ERMAP: variants seen among roughly 807,000 people sequenced by gnomAD.
The protein encoded by ERMAP is erythroid membrane-associated protein.
A neutral mutation model predicts 49.5 loss-of-function variants in ERMAP; 34 were observed. That is an observed-to-expected ratio of 0.69 (90% CI 0.52 to 0.91). The LOEUF is 0.91. Ranked by LOEUF, ERMAP falls within the 40% of genes least tolerant of loss-of-function variation. The probability of loss-of-function intolerance (pLI) is 0.00; values close to 1 mark genes in which losing one functional copy is unlikely to be tolerated. For missense variants in ERMAP, 541 were observed against 582.6 expected (o/e 0.93, Z 0.74); for synonymous variants, 214 against 232.2 (o/e 0.92, Z 0.71).
rs563655301 is a variant in ERMAP, at chr1:42,826,501, A to G, written c.-6+763A>G. On this transcript the variant is annotated intron_variant, in intron 2 of 11. Transcript: ENST00000372517. ...GAGGGCAATTTGTCAGTGCAGATGA[A>G]AAGTCTTCCCATTTTAAAGATGGGA... Among the ~76,000 whole-genome samples the G allele has an allele frequency of 4.1e-4, 63 of 152,258 alleles. 2 individuals are homozygous for G. In the Middle Eastern group the frequency reaches 0.027, roughly 66 times the overall value.
At chr1:42,841,961 G>A (rs12078281) in intron 11 of ERMAP, 35,489 of 153,078 alleles carry the variant, frequency 0.23, 4,414 homozygotes, top group South Asian at 0.33. Context: ...AAGATTGGGC[G>A]ACTGTATCTG....
intron 1 of ERMAP, among the ~76,000 whole-genome samples, chr1:42,821,827 G>A (rs952296492): frequency 1.3e-5 from 2 of 151,600 alleles, no homozygotes; most frequent in Admixed American, 6.6e-5. Context: ...CCTGGGCAAC[G>A]TAGTAAGACC....
In ERMAP at chr1:42,817,258, TC is replaced by T. The variant is rs1220887963; in HGVS notation, c.-122+7del. ...GCAGACAACGCCTCCGGGAGGGTAA[TC>T]CTCGCCTTCCCCCGACCACTGGACC... On this transcript the variant is annotated splice_donor_region_variant and intron_variant, in intron 1 of 11. Coordinates refer to ENST00000372517, the MANE Select transcript of ERMAP (RefSeq NM_001017922.2). 8.0e-7 allele frequency: 1 copy of T among 1,247,514 alleles called. No individual in the cohort carries two copies. The highest frequency in any genetic ancestry group is 1.0e-6 in the Non-Finnish European group (1 of 968,894). The allele number at this position is 1,247,514 out of a possible 1,614,324, so 77.3% of individuals were successfully genotyped here. A position where few individuals can be genotyped will look rare whatever the true frequency, so the allele number is the denominator to read the frequency against.
At position 42,838,878 on chromosome 1, in the gene ERMAP, TTCTC is replaced by T. The variant is rs779749834; in HGVS notation, c.617-17_617-14del. On this transcript the variant is annotated intron_variant, in intron 7 of 11. Coordinates refer to ENST00000372517, the MANE Select transcript of ERMAP (RefSeq NM_001017922.2). Reference sequence around the variant, plus strand: ...AGAGGCAGGATCTGATCACTCACTCTTCTCTCTCTTTCTGGTTTTTAGGAAAACT... The same window carrying T: ...AGAGGCAGGATCTGATCACTCACTCTTCTCTTTCTGGTTTTTAGGAAAACT... 3.1e-6 allele frequency: 5 copies of T among 1,614,000 alleles called. No homozygotes were observed. Among genetic ancestry groups the T allele is most frequent in the South Asian group, 1.1e-5 (1 of 91,086 alleles).
chr1:42,835,674 T>C, intron 5 of ERMAP, 58 bp from the exon 6 acceptor site: 2 of 1,606,200 alleles, frequency 1.2e-6, no homozygotes, highest in Non-Finnish European at 1.7e-6. Flanking sequence ...TTGGGACACT[T>C]GTGCCTGTTA....
chr1:42,842,933 A>G lies in ERMAP; in HGVS notation c.1129A>G (p.Lys377Glu). 1 of 1,614,188 alleles carries G rather than the reference A, an allele frequency of 6.2e-7. No individual in the cohort carries two copies. The highest frequency in any genetic ancestry group is 1.3e-5 in the African/African-American group (1 of 75,038). The change falls in exon 12 of 12, where the codon AAG becomes GAG. Residue 377 changes from lysine to glutamate, a missense_variant. By Grantham distance (56) the Lys-to-Glu change is moderately conservative. Transcript: ENST00000372517. Reference sequence around the variant, plus strand: ...CATCTCTTTCTACAATGTGACCAACAAGTCCCACATCTTTACTTTCACCCA... The same window carrying G: ...CATCTCTTTCTACAATGTGACCAACGAGTCCCACATCTTTACTTTCACCCA... ...GVISFYNVTNKSHIFTFTHNF... is the reference protein window; with the variant it reads ...GVISFYNVTNESHIFTFTHNF...
At chr1:42,839,775 T>C in intron 8 of ERMAP, 1 of 571,786 alleles carries the variant, frequency 1.7e-6, no homozygotes, top group Non-Finnish European at 3.1e-6. Flanking sequence ...TACCTGTAGG[T>C]GTGAGATGTG....
At position 42,835,136 on chromosome 1, in the gene ERMAP, AAGCAAAGAAG is replaced by A. The variant is rs766604411; in HGVS notation, c.539_548del (p.Arg180LysfsTer9). ...CATGGTGTGCCTTTGCCTTATCTGG[AAGCAAAGAAG>A]AGCAAAAGGTAATTAAATGGTAAGG... On this transcript the variant is annotated frameshift_variant, in exon 5 of 12. Coordinates refer to ENST00000372517, the MANE Select transcript of ERMAP (RefSeq NM_001017922.2). LOFTEE classifies it high-confidence loss of function. 4.7e-6 allele frequency: 7 copies of A among 1,478,102 alleles called. No homozygotes were observed. Among genetic ancestry groups the A allele is most frequent in the Non-Finnish European group, 6.6e-6 (7 of 1,055,812 alleles). The allele number at this position is 1,478,102 out of a possible 1,614,324, so 91.6% of individuals were successfully genotyped here.
chr1:42,830,683 G>A (rs12727498), intron 3 of ERMAP, 85 bp from the exon 4 acceptor site: 42 of 1,418,678 alleles, frequency 3.0e-5, no homozygotes, highest in South Asian at 1.3e-4. Context: ...GGCTCTGTCC[G>A]TCCCCGGGAT....
At position 42,825,666 on chromosome 1, in the gene ERMAP, G is replaced by A. The variant is rs757441498; in HGVS notation, c.-78G>A. The stretch of plus-strand genomic sequence containing the variant: ...CCTGCTCCCTGGTCTCTCTGCATGG[G>A]GAAGGAGTGTTCCCAGCTTGCAAAC... On this transcript the variant is annotated 5_prime_UTR_variant, in exon 2 of 12. Coordinates refer to ENST00000372517, the MANE Select transcript of ERMAP (RefSeq NM_001017922.2). 2.2e-5 allele frequency: 28 copies of A among 1,289,264 alleles called. No individual in the cohort carries two copies. The highest frequency in any genetic ancestry group is 2.8e-5 in the Non-Finnish European group (28 of 988,884). The allele number at this position is 1,289,264 out of a possible 1,614,324, so 79.9% of individuals were successfully genotyped here.
At chr1:42,839,893 T>C (rs1570546399) in intron 8 of ERMAP, 140 bp from the exon 9 acceptor site, 1 of 843,144 alleles carries the variant, frequency 1.2e-6, no homozygotes, top group Non-Finnish European at 1.9e-6. Context: ...CTACTGCTCT[T>C]GCAAACTCTT....
intron 2 of ERMAP, 119 bp downstream of exon 2, chr1:42,825,857 T>C (rs1390360542): frequency 8.6e-7 from 1 of 1,162,390 alleles, no homozygotes; most frequent in Non-Finnish European, 1.1e-6. Flanking sequence ...AAGGGTGAAA[T>C]GGGGCAGTTG....
intron 7 of ERMAP, among the ~76,000 whole-genome samples, 195 bp from the exon 8 acceptor site, chr1:42,838,706 G>T (rs976938551): frequency 1.3e-5 from 2 of 152,170 alleles, no homozygotes; most frequent in African/African-American, 4.8e-5. Context: ...TCCCGGGCAG[G>T]CTGGGTCACT....
rs373404896 is a variant in ERMAP at position 42,834,144 on chromosome 1, T to G, written c.434-894T>G. Among the ~76,000 whole-genome samples, 13 of 152,210 alleles carry G rather than the reference T, an allele frequency of 8.5e-5. No individual in the cohort carries two copies. The East Asian group carries it at 9.6e-4, about 11-fold the overall frequency. On this transcript the variant is annotated intron_variant, in intron 4 of 11. Transcript: ENST00000372517. ...CACACAGCATTGAGCAAGGACATAC[T>G]CCCAGCTTAGGCTCTTAACTACTTC...
intron 4 of ERMAP, chr1:42,834,627 C>T (rs1654840519): frequency 7.9e-6 from 2 of 252,594 alleles, no homozygotes; most frequent in South Asian, 7.9e-5. Context: ...GTGACCTTGG[C>T]TCACTGCAAC....
Position 42,835,149 on chromosome 1 carries a change from CA to C in ERMAP, c.549del (p.Glu184LysfsTer8). The C allele has an allele frequency of 3.0e-6, 4 of 1,348,772 alleles. No homozygotes were observed. Among genetic ancestry groups the C allele is most frequent in the Non-Finnish European group, 4.3e-6 (4 of 937,826 alleles). 83.6% of individuals were successfully genotyped at this position (1,348,772 alleles called of 1,614,324 possible). A position where few individuals can be genotyped will look rare whatever the true frequency, so the allele number is the denominator to read the frequency against. On this transcript the variant is annotated frameshift_variant, in exon 5 of 12. Transcript: ENST00000372517. LOFTEE classifies it high-confidence loss of function. ...TGCCTTATCTGGAAGCAAAGAAGAG[CA>C]AAAGGTAATTAAATGGTAAGGGAGC... ...CLCLIWKQRR[A>X]KEKLLYEHVT...
At chr1:42,839,201 C>T (rs911965420) in intron 8 of ERMAP, 6 of 547,146 alleles carry the variant, frequency 1.1e-5, no homozygotes, top group East Asian at 3.0e-5. Context: ...TCCCTTTTAT[C>T]ACCCAGGCAT....
At chr1:42,817,332 G>C (rs941661741) in intron 1 of ERMAP, 79 bp downstream of exon 1, 60 of 1,014,386 alleles carry the variant, frequency 5.9e-5, no homozygotes, top group Non-Finnish European at 7.4e-5. Flanking sequence ...GCCGCGCGCC[G>C]GGGGGAGGGG....
intron 1 of ERMAP, 110 bp from the exon 2 acceptor site, chr1:42,825,513 G>A: frequency 2.5e-6 from 3 of 1,193,680 alleles, no homozygotes; most frequent in Non-Finnish European, 3.2e-6. Flanking sequence ...CAGACAGGGT[G>A]TGGCTTGCTG....
Sources: gnomAD v4.1 joint callset for allele counts (sites outside exome capture counted in the v4.1 genomes callset) on GRCh38, gnomAD v4.1.1 for gene constraint, MANE v1.5 for transcripts, NCBI Gene and HGNC (gene_info 2026-07-23, HGNC 2026-07-21) for gene names.